Variants in CSMD1 observed in about 807,000 individuals in gnomAD.
CSMD1 encodes the protein CUB and sushi domain-containing protein 1.
CSMD1 carries 213 observed loss-of-function variants against 417.5 expected under a neutral mutation model. The ratio of observed to expected loss-of-function variants is 0.51; its 90% confidence interval spans 0.46 to 0.57. CSMD1 has a LOEUF of 0.57. Among genes scored for constraint, CSMD1 ranks in the 20% least tolerant of loss-of-function variants. The pLI, the probability that CSMD1 is intolerant of heterozygous loss-of-function variation, is 0.00. For missense variants in CSMD1, 6,923 were observed against 4,529.7 expected, an observed-to-expected ratio of 1.53 and a Z score of -15.17; for synonymous variants, 2,862 against 1,736.8, an observed-to-expected ratio of 1.65 and a Z score of -16.11.
rs1370572757 is a variant in CSMD1 at position 3,439,130 on chromosome 8, AAAAAAAAAAAAAAAAAAAAAAACC to A, written c.1562-29549_1562-29526del. Among the ~76,000 whole-genome samples, 18 of 122,182 alleles carry A rather than the reference AAAAAAAAAAAAAAAAAAAAAAACC, an allele frequency of 1.5e-4. 1 individual carries two copies. In the East Asian group the frequency reaches 1.6e-3, roughly 11 times the overall value. The allele number at this position is 122,182 out of a possible 152,430, so 80.2% of individuals were successfully genotyped here. A position where few individuals can be genotyped will look rare whatever the true frequency, so the allele number is the denominator to read the frequency against. On this transcript the variant is annotated intron_variant, in intron 12 of 69. Coordinates refer to ENST00000635120, the MANE Select transcript of CSMD1 (RefSeq NM_033225.6). ...AGAGCAAGACTCCATCTCAAAAAAAAAAAAAAAAAAAAAAAAAAAAAACCAAGAAAAAAAAAAGAAAAAGAAAAA... is the reference window on the plus strand; with the variant it reads ...AGAGCAAGACTCCATCTCAAAAAAAAAAGAAAAAAAAAAGAAAAAGAAAAA...
chr8:4,792,432 C>T (rs1797742366), intron 1 of CSMD1, among the ~76,000 whole-genome samples: 1 of 152,166 alleles, frequency 6.6e-6, no homozygotes, highest in Non-Finnish European at 1.5e-5. Context: ...AGTGGTACAG[C>T]CAATCAGTCT....
intron 5 of CSMD1, among the ~76,000 whole-genome samples, chr8:3,760,495 T>C (rs1055911654): frequency 6.6e-6 from 1 of 152,200 alleles, no homozygotes; most frequent in Non-Finnish European, 1.5e-5. Context: ...ATTTATAACA[T>C]ACTCCTACTC....
intron 23 of CSMD1, among the ~76,000 whole-genome samples, chr8:3,335,415 C>G (rs148980279): frequency 6.6e-6 from 1 of 152,160 alleles, no homozygotes; most frequent in Non-Finnish European, 1.5e-5. Context: ...TGGTGGCTCA[C>G]GCCTGTAATC....
intron 2 of CSMD1, among the ~76,000 whole-genome samples, chr8:4,543,154 T>C (rs1230445334): frequency 2.0e-5 from 3 of 152,218 alleles, no homozygotes; most frequent in Non-Finnish European, 4.4e-5. Flanking sequence ...ACATTATTGA[T>C]TCAAGTCCAT....
intron 18 of CSMD1, among the ~76,000 whole-genome samples, chr8:3,375,390 T>C (rs755030073): frequency 2.0e-5 from 3 of 152,196 alleles, no homozygotes; most frequent in Non-Finnish European, 2.9e-5. Flanking sequence ...TCTGTTTCCA[T>C]CTTTTCTCTT....
intron 18 of CSMD1, among the ~76,000 whole-genome samples, chr8:3,374,780 A>G (rs1343436780): frequency 1.3e-5 from 2 of 152,184 alleles, no homozygotes; most frequent in African/African-American, 4.8e-5. Context: ...TTCATGGCAA[A>G]GCACACAGCC....
chr8:3,960,862 C>G (rs922893771), intron 5 of CSMD1, among the ~76,000 whole-genome samples: 1 of 151,912 alleles, frequency 6.6e-6, no homozygotes, highest in East Asian at 1.9e-4. Context: ...AAATGACACA[C>G]TTTTATACCT....
chr8:3,581,871 C>T (rs998601865), intron 9 of CSMD1, among the ~76,000 whole-genome samples: 2 of 152,088 alleles, frequency 1.3e-5, no homozygotes, highest in Non-Finnish European at 2.9e-5. Flanking sequence ...GTGGCACGAT[C>T]TCTGCTTACT....
Position 2,961,178 on chromosome 8 carries a change from G to A in CSMD1, c.9665C>T (p.Pro3222Leu), listed in dbSNP as rs1406841665. The change falls in exon 62 of 70, where the codon CCA (proline) becomes CTA (leucine). Residue 3222 changes from proline (P) to leucine (L), a missense_variant. By Grantham distance (98) the Pro-to-Leu change is moderately conservative. Transcript: ENST00000635120. ...GGAGCTATTCTGTATTCCAAAGTGTGGCGTACCAGGGTCTGGGCAGGTGTT... is the reference window on the plus strand; with the variant it reads ...GGAGCTATTCTGTATTCCAAAGTGTAGCGTACCAGGGTCTGGGCAGGTGTT... ...AHNTCPDPGT[P>L]HFGIQNSSRG... The A allele has an allele frequency of 6.2e-7, 1 of 1,602,670 alleles. No homozygotes were observed. Among genetic ancestry groups the A allele is most frequent in the Non-Finnish European group, 8.5e-7 (1 of 1,172,814 alleles).
rs17070825 is a variant in CSMD1, at chr8:4,616,697, T to C, written c.302+20645A>G. ...AAACTGACTTTAAAAGCATCTTGAC[T>C]CATTTGTCACTTATCCAATGGTGAT... is the stretch of plus-strand genomic sequence containing the variant. On this transcript the variant is annotated intron_variant, in intron 2 of 69. Coordinates refer to ENST00000635120, the MANE Select transcript of CSMD1 (RefSeq NM_033225.6). Among the ~76,000 whole-genome samples, 524 of 152,294 alleles carry C rather than the reference T, an allele frequency of 3.4e-3. 3 individuals are homozygous for C. Among genetic ancestry groups the C allele is most frequent in the African/African-American group, 0.012 (508 of 41,574 alleles).
chr8:3,197,053 A>G (rs1048032269), intron 33 of CSMD1, among the ~76,000 whole-genome samples: 2 of 152,206 alleles, frequency 1.3e-5, no homozygotes, highest in African/African-American at 2.4e-5. Context: ...AAAACACACA[A>G]AAACCCAGCA....
chr8:4,857,989 G>C (rs1444786215), intron 1 of CSMD1, among the ~76,000 whole-genome samples: 2 of 152,138 alleles, frequency 1.3e-5, no homozygotes, highest in Non-Finnish European at 2.9e-5. Flanking sequence ...CAATATCTTT[G>C]ATGAACATTG....
intron 3 of CSMD1, among the ~76,000 whole-genome samples, chr8:4,282,246 G>C (rs183819628): frequency 1.1e-4 from 17 of 152,266 alleles, no homozygotes; most frequent in Admixed American, 5.2e-4. Context: ...TGCATGCAAA[G>C]GTGAATATAA....
intron 1 of CSMD1, among the ~76,000 whole-genome samples, chr8:4,838,730 G>T (rs570598861): frequency 6.6e-6 from 1 of 152,164 alleles, no homozygotes; most frequent in Non-Finnish European, 1.5e-5. Flanking sequence ...CTTGTTTCAT[G>T]CCATCGGCTC....
intron 53 of CSMD1, 83 bp from the exon 54 acceptor site, chr8:2,998,267 G>C: frequency 7.1e-7 from 1 of 1,417,432 alleles, no homozygotes; most frequent in Non-Finnish European, 9.8e-7. Flanking sequence ...GAAACATGCA[G>C]GCATGCTAAC....
chr8:3,551,251 T>A (rs1798897581), intron 10 of CSMD1, among the ~76,000 whole-genome samples: 1 of 152,208 alleles, frequency 6.6e-6, no homozygotes. Flanking sequence ...CAAGAAATAT[T>A]AACTAATATC....
chr8:4,365,813 T>C (rs1005222289), intron 3 of CSMD1, among the ~76,000 whole-genome samples: 46 of 152,246 alleles, frequency 3.0e-4, no homozygotes, highest in Non-Finnish European at 8.8e-5. Flanking sequence ...CCAGAGGTTT[T>C]GATCTTTTGA....
In CSMD1 at chr8:3,394,508, A is replaced by C. The variant is rs565027497; in HGVS notation, c.2593+1686T>G. 3.3e-5 allele frequency among the ~76,000 whole-genome samples: 5 copies of C among 152,248 alleles called. No homozygotes were observed. In the South Asian group the frequency reaches 1.0e-3, roughly 32 times the overall value. On this transcript the variant is annotated intron_variant, in intron 17 of 69. Coordinates refer to ENST00000635120, the MANE Select transcript of CSMD1 (RefSeq NM_033225.6). ...AAAAAGCAAAGTCATCTACAGCTACAGAAATACAGATGAAAAGAAAGGAAA... is the reference window on the plus strand; with the variant it reads ...AAAAAGCAAAGTCATCTACAGCTACCGAAATACAGATGAAAAGAAAGGAAA...
Position 2,955,879 on chromosome 8 carries a change from T to C in CSMD1, c.9815-111A>G, listed in dbSNP as rs1039389862. The C allele has an allele frequency of 4.7e-5, 31 of 664,016 alleles. No individual in the cohort carries two copies. The Admixed American group carries it at 6.8e-4, about 15-fold the overall frequency. The allele number at this position is 664,016 out of a possible 1,614,324, so 41.1% of individuals were successfully genotyped here. On this transcript the variant is annotated intron_variant, in intron 63 of 69. Transcript: ENST00000635120. ...TGGAAATGGTTATGCAGTCAATATG[T>C]ATATATACATATATATACACATATA... is the stretch of plus-strand genomic sequence containing the variant.
Sources: gnomAD v4.1 joint callset for allele counts (sites outside exome capture counted in the v4.1 genomes callset) on GRCh38, gnomAD v4.1.1 for gene constraint, MANE v1.5 for transcripts, NCBI Gene and HGNC (gene_info 2026-07-23, HGNC 2026-07-21) for gene names.